The following MACROD2 variants were observed in gnomAD, a reference collection of about 807,000 sequenced individuals.
MACROD2 encodes ADP-ribose glycohydrolase MACROD2.
MACROD2 carries 36 observed loss-of-function variants against 70.4 expected under a neutral mutation model. The ratio of observed to expected loss-of-function variants is 0.51; its 90% CI spans 0.39 to 0.68. The LOEUF is 0.68. MACROD2 is among the 30% of genes least tolerant of loss of function. MACROD2 has a pLI of 0.00. For synonymous variants in MACROD2, 172 were observed against 178.8 expected (o/e 0.96, Z 0.30); for missense variants, 496 against 538.4 (o/e 0.92, Z 0.78).
intron 3 of MACROD2, among the ~76,000 whole-genome samples, chr20:14,269,945 A>G (rs1230482125): frequency 1.3e-5 from 2 of 152,124 alleles, no homozygotes; most frequent in East Asian, 3.9e-4. Flanking sequence ...GGTTACTCCC[A>G]TTCCTTAGGG....
intron 3 of MACROD2, among the ~76,000 whole-genome samples, chr20:14,358,968 C>T (rs958366585): frequency 6.6e-6 from 1 of 152,104 alleles, no homozygotes; most frequent in Admixed American, 6.6e-5. Flanking sequence ...GGGAGGATCG[C>T]TTGAGCCCAG....
intron 5 of MACROD2, among the ~76,000 whole-genome samples, chr20:14,953,891 C>T (rs1341376455): frequency 1.3e-5 from 2 of 152,064 alleles, no homozygotes; most frequent in Non-Finnish European, 2.9e-5. Context: ...ATGTATCTGA[C>T]AATGAAATGG....
At chr20:15,708,148 A>G (rs1361632014) in intron 8 of MACROD2, among the ~76,000 whole-genome samples, 6 of 152,240 alleles carry the variant, frequency 3.9e-5, no homozygotes, top group African/African-American at 1.4e-4. Flanking sequence ...TAATTAATAT[A>G]TTATTTATTC....
At chr20:14,169,995 G>A (rs1337659081) in intron 3 of MACROD2, among the ~76,000 whole-genome samples, 1 of 152,038 alleles carries the variant, frequency 6.6e-6, no homozygotes, top group African/African-American at 2.4e-5. Context: ...CCAAGTTCAA[G>A]CAATTCTCCT....
At chr20:15,966,525 T>C (rs560284624) in intron 12 of MACROD2, among the ~76,000 whole-genome samples, 1 of 152,158 alleles carries the variant, frequency 6.6e-6, no homozygotes, top group African/African-American at 2.4e-5. Context: ...GAGGATCCTT[T>C]GAGGCCAGGA....
chr20:14,545,723 A>G (rs1000709962), intron 4 of MACROD2, among the ~76,000 whole-genome samples: 13 of 152,184 alleles, frequency 8.5e-5, no homozygotes, highest in African/African-American at 3.1e-4. Context: ...GGAAAACACT[A>G]TTAATTTGAA....
At chr20:15,231,299 T>C (rs1296846786) in intron 6 of MACROD2, among the ~76,000 whole-genome samples, 4 of 152,070 alleles carry the variant, frequency 2.6e-5, no homozygotes, top group Non-Finnish European at 5.9e-5. Flanking sequence ...AGGTGAAAGC[T>C]GAAGTTCAAA....
intron 3 of MACROD2, among the ~76,000 whole-genome samples, chr20:14,390,148 T>C (rs931434984): frequency 2.0e-5 from 3 of 152,126 alleles, no homozygotes; most frequent in African/African-American, 7.2e-5. Flanking sequence ...CCATTTACAA[T>C]TGCCACAAAA....
chr20:15,269,329 C>T (rs1483826946), intron 6 of MACROD2, among the ~76,000 whole-genome samples: 6 of 152,208 alleles, frequency 3.9e-5, no homozygotes, highest in African/African-American at 1.4e-4. Context: ...CAAGGTTTTC[C>T]CTTAGTACTT....
intron 4 of MACROD2, among the ~76,000 whole-genome samples, chr20:14,520,708 G>A (rs537440905): frequency 6.6e-6 from 1 of 152,008 alleles, no homozygotes; most frequent in Non-Finnish European, 1.5e-5. Context: ...GACTTCCCCA[G>A]GTAGAGCTGA....
At chr20:15,200,047 A>T (rs990552219) in intron 5 of MACROD2, among the ~76,000 whole-genome samples, 1 of 141,724 alleles carries the variant, frequency 7.1e-6, no homozygotes, top group African/African-American at 2.8e-5. Flanking sequence ...AATAACCGTT[A>T]AAAATAAGAG....
intron 13 of MACROD2, among the ~76,000 whole-genome samples, chr20:15,975,275 G>T (rs929149542): frequency 6.6e-6 from 1 of 151,976 alleles, no homozygotes; most frequent in African/African-American, 2.4e-5. Context: ...AAACACGCTC[G>T]CATAATATTC....
chr20:15,289,451 G>A (rs932799805), intron 6 of MACROD2, among the ~76,000 whole-genome samples: 5 of 152,182 alleles, frequency 3.3e-5, no homozygotes, highest in African/African-American at 1.2e-4. Flanking sequence ...GCTTGTTAGA[G>A]TCAGGGAAAC....
At chr20:14,871,161 G>A (rs1447496556) in intron 5 of MACROD2, among the ~76,000 whole-genome samples, 3 of 152,024 alleles carry the variant, frequency 2.0e-5, no homozygotes, top group African/African-American at 7.2e-5. Flanking sequence ...AGGAAATGTA[G>A]AGAACCCCAG....
At chr20:14,379,214 A>T (rs1457071135) in intron 3 of MACROD2, among the ~76,000 whole-genome samples, 1 of 152,222 alleles carries the variant, frequency 6.6e-6, no homozygotes. Flanking sequence ...ATAATTAGAA[A>T]GAGGTGGAGC....
At position 15,772,259 on chromosome 20, in the gene MACROD2, A is replaced by G. The variant is rs1472219238; in HGVS notation, c.646-90486A>G. ...AGGACTGTGTACCTATGATGTTACA[A>G]TGTTGCATTACTAGAGAAACACAGG... On this transcript the variant is annotated intron_variant, in intron 8 of 17. Transcript: ENST00000684519. Among the ~76,000 whole-genome samples, 4 of 151,536 alleles carry G rather than the reference A, an allele frequency of 2.6e-5. No individual in the cohort carries two copies. The East Asian group carries it at 7.8e-4, about 30-fold the overall frequency.
intron 5 of MACROD2, among the ~76,000 whole-genome samples, chr20:15,210,522 C>G (rs2076753001): frequency 6.6e-6 from 1 of 151,398 alleles, no homozygotes; most frequent in Non-Finnish European, 1.5e-5. Flanking sequence ...ACAGGCACGT[C>G]CAGCACCGTT....
intron 5 of MACROD2, among the ~76,000 whole-genome samples, chr20:15,212,141 A>C (rs1330014489): frequency 6.6e-6 from 1 of 152,140 alleles, no homozygotes; most frequent in Non-Finnish European, 1.5e-5. Context: ...CTTATTGGCC[A>C]TTTGTGTATC....
At chr20:14,389,131 C>T (rs781037774) in intron 3 of MACROD2, among the ~76,000 whole-genome samples, 13 of 152,042 alleles carry the variant, frequency 8.6e-5, no homozygotes, top group Non-Finnish European at 1.6e-4. Context: ...CCGCTCGCCT[C>T]GGCCTTCCAA....
Sources: allele counts gnomAD v4.1 joint callset (sites outside exome capture counted in the v4.1 genomes callset), GRCh38; gene constraint gnomAD v4.1.1; transcripts MANE v1.5; gene names NCBI Gene and HGNC (gene_info 2026-07-23, HGNC 2026-07-21).